ERBB4: variants seen among roughly 807,000 people sequenced by gnomAD.
ERBB4 encodes the protein erb-b2 receptor tyrosine kinase 4.
ERBB4 carries 42 observed loss-of-function variants against 158.0 expected under a neutral mutation model. That is an observed-to-expected ratio of 0.27 (90% CI 0.21 to 0.34). The LOEUF is 0.34. Among genes scored for constraint, ERBB4 ranks in the 10% least tolerant of loss-of-function variants. The probability of loss-of-function intolerance (pLI) is 1.00; values close to 1 mark genes in which losing one functional copy is unlikely to be tolerated. For missense variants in ERBB4, 1,333 were observed against 1,624.1 expected (o/e 0.82, Z 3.08); for synonymous variants, 583 against 558.7 (o/e 1.04, Z -0.61).
At chr2:211,882,844 T>A (rs375981157) in intron 3 of ERBB4, among the ~76,000 whole-genome samples, 1 of 152,182 alleles carries the variant, frequency 6.6e-6, no homozygotes, top group African/African-American at 2.4e-5. Flanking sequence ...TTAATCTTCA[T>A]GTAATTTATC....
intron 1 of ERBB4, among the ~76,000 whole-genome samples, chr2:212,343,616 T>C (rs2088832165): frequency 6.6e-6 from 1 of 152,160 alleles, no homozygotes; most frequent in East Asian, 1.9e-4. Flanking sequence ...ATCCCAGTCA[T>C]CTTATTCTAA....
chr2:212,340,233 A>C (rs35384625), intron 1 of ERBB4, among the ~76,000 whole-genome samples: 2 of 151,806 alleles, frequency 1.3e-5, no homozygotes, highest in East Asian at 3.9e-4. Flanking sequence ...CATGATCTCA[A>C]ATTATTTTCA....
At chr2:211,397,571 C>T (rs148669474) in intron 25 of ERBB4, among the ~76,000 whole-genome samples, 7 of 152,264 alleles carry the variant, frequency 4.6e-5, no homozygotes, top group Admixed American at 1.3e-4. Flanking sequence ...AAACATCTAT[C>T]GGCTGAGGAT....
At chr2:211,541,419 T>C (rs2066805365) in intron 20 of ERBB4, among the ~76,000 whole-genome samples, 1 of 152,018 alleles carries the variant, frequency 6.6e-6, no homozygotes, top group Non-Finnish European at 1.5e-5. Flanking sequence ...TGTTTCACTA[T>C]GACCTACAGT....
chr2:212,046,099 A>G (rs1006711633), intron 2 of ERBB4, among the ~76,000 whole-genome samples: 1 of 152,228 alleles, frequency 6.6e-6, no homozygotes, highest in Non-Finnish European at 1.5e-5. Flanking sequence ...AACCCAATCC[A>G]TGTTAATTTT....
chr2:212,530,232 G>A (rs1431903721), intron 1 of ERBB4, among the ~76,000 whole-genome samples: 1 of 152,146 alleles, frequency 6.6e-6, no homozygotes, highest in East Asian at 1.9e-4. Flanking sequence ...AAATCTTGGG[G>A]AGTAGCTTTT....
intron 2 of ERBB4, among the ~76,000 whole-genome samples, chr2:212,064,988 G>GGT (rs34396660): frequency 0.089 from 12,685 of 143,262 alleles, 860 homozygotes; most frequent in African/African-American, 0.2. Context: ...ACATCTTTAT[G>GGT]GTGTGTGTGT....
rs3817429 is a variant in ERBB4 at position 211,679,468 on chromosome 2, T to C, written c.1490-284A>G. The stretch of plus-strand genomic sequence containing the variant: ...GGGAGGACAGGTGATATAAATTATC[T>C]GTCCAAGCTAAAGAATAAACCACAC... On this transcript the variant is annotated intron_variant, in intron 12 of 27. Coordinates refer to ENST00000342788, the MANE Select transcript of ERBB4 (RefSeq NM_005235.3). Among the ~76,000 whole-genome samples, 89,235 of 151,988 alleles carry C rather than the reference T, an allele frequency of 0.59. 27,530 individuals are homozygous for C. Among genetic ancestry groups the C allele is most frequent in the African/African-American group, 0.75 (31,252 of 41,468 alleles).
At position 212,302,207 on chromosome 2, in the gene ERBB4, T is replaced by C. The variant is rs562593549; in HGVS notation, c.83-177304A>G. On this transcript the variant is annotated intron_variant, in intron 1 of 27. Transcript: ENST00000342788. ...CCAACACTACCTTCTTCAATAAACT[T>C]CACTGGGGTTTTATATCTAGATCAC... Among the ~76,000 whole-genome samples, 3 of 151,550 alleles carry C rather than the reference T, an allele frequency of 2.0e-5. No homozygotes were observed. In the South Asian group the frequency reaches 6.2e-4, roughly 31 times the overall value.
chr2:212,376,399 T>G (rs886225635), intron 1 of ERBB4, among the ~76,000 whole-genome samples: 11 of 152,128 alleles, frequency 7.2e-5, no homozygotes, highest in Admixed American at 2.0e-4. Context: ...TTCTTGACTT[T>G]CCGGAAGGCA....
intron 2 of ERBB4, among the ~76,000 whole-genome samples, chr2:212,106,913 T>G (rs1157498368): frequency 6.6e-6 from 1 of 152,162 alleles, no homozygotes; most frequent in African/African-American, 2.4e-5. Context: ...GAAGTCAAGA[T>G]TTGAGGTTTG....
At chr2:212,002,398 T>A (rs2076127317) in intron 2 of ERBB4, among the ~76,000 whole-genome samples, 1 of 152,190 alleles carries the variant, frequency 6.6e-6, no homozygotes, top group South Asian at 2.1e-4. Flanking sequence ...AATTGCACTG[T>A]ATTTGGAGCC....
chr2:211,782,804 C>T (rs1444805754), intron 4 of ERBB4, among the ~76,000 whole-genome samples: 1 of 152,126 alleles, frequency 6.6e-6, no homozygotes, highest in South Asian at 2.1e-4. Context: ...AGTCAGGTAG[C>T]ATGATGCCTA....
intron 2 of ERBB4, among the ~76,000 whole-genome samples, chr2:212,030,477 T>G (rs1402590559): frequency 6.6e-6 from 1 of 152,124 alleles, no homozygotes; most frequent in African/African-American, 2.4e-5. Flanking sequence ...GAGACAATGT[T>G]GTCTTAGTTT....
At chr2:212,446,400 G>A (rs1033461641) in intron 1 of ERBB4, among the ~76,000 whole-genome samples, 1 of 150,666 alleles carries the variant, frequency 6.6e-6, no homozygotes, top group East Asian at 2.0e-4. Context: ...GTGAAAAGGA[G>A]AGACTGGCCT....
chr2:212,489,593 G>C (rs1690162971), intron 1 of ERBB4, among the ~76,000 whole-genome samples: 1 of 151,786 alleles, frequency 6.6e-6, no homozygotes, highest in Non-Finnish European at 1.5e-5. Context: ...TATTTATCTT[G>C]CTAGCTCCTG....
At chr2:212,380,175 A>G (rs2090457444) in intron 1 of ERBB4, among the ~76,000 whole-genome samples, 1 of 151,358 alleles carries the variant, frequency 6.6e-6, no homozygotes, top group South Asian at 2.1e-4. Context: ...TGGGTTCCAC[A>G]TCTGTAGACT....
chr2:212,089,009 C>G lies in ERBB4; in HGVS notation c.234+35743G>C, dbSNP rs116340080. ...ACAAACAAATATGTAAAGTAGAATT[C>G]TGAAATAATAATAACAATAATAAAA... On this transcript the variant is annotated intron_variant, in intron 2 of 27. Transcript: ENST00000342788. Among the ~76,000 whole-genome samples the G allele has an allele frequency of 6.8e-3, 1,027 of 152,074 alleles. 9 individuals are homozygous for G. The highest frequency in any genetic ancestry group is 0.023 in the African/African-American group (974 of 41,510).
chr2:211,681,323 A>G (rs1194540033), intron 12 of ERBB4, among the ~76,000 whole-genome samples: 1 of 152,174 alleles, frequency 6.6e-6, no homozygotes, highest in East Asian at 1.9e-4. Flanking sequence ...CTATGAATAT[A>G]TGTGTAAAAG....
Sources: gnomAD v4.1 joint callset for allele counts (sites outside exome capture counted in the v4.1 genomes callset) on GRCh38, gnomAD v4.1.1 for gene constraint, MANE v1.5 for transcripts, NCBI Gene and HGNC (gene_info 2026-07-23, HGNC 2026-07-21) for gene names.